The following KCNQ3 variants were observed in gnomAD, a reference collection of about 807,000 sequenced individuals.
KCNQ3 encodes the protein potassium voltage-gated channel subfamily KQT member 3.
Under a neutral mutation model 92.5 loss-of-function variants are expected in KCNQ3, and 30 were observed. The observed-to-expected ratio is 0.32, with a 90% CI of 0.24 to 0.44. KCNQ3 has a LOEUF of 0.44. Ranked by LOEUF, KCNQ3 falls within the 20% of genes least tolerant of loss-of-function variation. The probability of loss-of-function intolerance (pLI) is 1.00; values close to 1 mark genes in which losing one functional copy is unlikely to be tolerated. For synonymous variants in KCNQ3, 450 were observed against 468.8 expected, an observed-to-expected ratio of 0.96 and a Z score of 0.52; for missense variants, 913 against 1,140.3, an observed-to-expected ratio of 0.80 and a Z score of 2.87.
intron 9 of KCNQ3, among the ~76,000 whole-genome samples, chr8:132,145,445 T>C (rs1825422914): frequency 6.6e-6 from 1 of 152,222 alleles, no homozygotes; most frequent in African/African-American, 2.4e-5. Context: ...CTCTGTAGTT[T>C]ATATTTCACT....
intron 1 of KCNQ3, among the ~76,000 whole-genome samples, chr8:132,235,023 T>C (rs1814766600): frequency 6.6e-6 from 1 of 152,220 alleles, no homozygotes; most frequent in African/African-American, 2.4e-5. Flanking sequence ...TTTTGTGGTA[T>C]GTGAATTATA....
intron 8 of KCNQ3, among the ~76,000 whole-genome samples, chr8:132,168,341 C>G (rs1179037706): frequency 6.6e-6 from 1 of 152,224 alleles, no homozygotes; most frequent in East Asian, 1.9e-4. Context: ...TCTGGCTCAT[C>G]TAGCTTCTCA....
chr8:132,181,999 C>T (rs1302369966), intron 3 of KCNQ3, among the ~76,000 whole-genome samples: 2 of 149,916 alleles, frequency 1.3e-5, no homozygotes, highest in Admixed American at 6.6e-5. Context: ...GAGCCGAGAT[C>T]GTGCCACTGC....
intron 1 of KCNQ3, among the ~76,000 whole-genome samples, chr8:132,450,375 C>T (rs1248334721): frequency 6.6e-6 from 1 of 152,214 alleles, no homozygotes; most frequent in East Asian, 1.9e-4. Context: ...CCACAGAGCG[C>T]TGATTGGTGC....
intron 1 of KCNQ3, among the ~76,000 whole-genome samples, chr8:132,260,530 G>A (rs1237918183): frequency 6.6e-6 from 1 of 152,100 alleles, no homozygotes; most frequent in Non-Finnish European, 1.5e-5. Context: ...GAACAATTAG[G>A]CTAGATAAGA....
At chr8:132,304,439 T>C (rs1371660688) in intron 1 of KCNQ3, among the ~76,000 whole-genome samples, 1 of 152,206 alleles carries the variant, frequency 6.6e-6, no homozygotes, top group East Asian at 1.9e-4. Flanking sequence ...CATGGTCATC[T>C]TAACTTCTCC....
intron 4 of KCNQ3, among the ~76,000 whole-genome samples, chr8:132,178,878 G>A (rs1268208395): frequency 6.6e-6 from 1 of 150,938 alleles, no homozygotes; most frequent in Non-Finnish European, 1.5e-5. Flanking sequence ...CAGAACCCAA[G>A]AAAGGGATTT....
At chr8:132,165,313 G>C (rs1003069390) in intron 8 of KCNQ3, among the ~76,000 whole-genome samples, 1 of 152,162 alleles carries the variant, frequency 6.6e-6, no homozygotes, top group Non-Finnish European at 1.5e-5. Context: ...CAGTGCAGTT[G>C]ACCTGTCCAG....
At chr8:132,246,308 C>G (rs2130424640) in intron 1 of KCNQ3, among the ~76,000 whole-genome samples, 1 of 152,312 alleles carries the variant, frequency 6.6e-6, no homozygotes, top group South Asian at 2.1e-4. Flanking sequence ...AACCATTTCC[C>G]TACATGAGAG....
rs151131869 is a variant in KCNQ3 at position 132,445,164 on chromosome 8, C to T, written c.386+34983G>A. Among the ~76,000 whole-genome samples, 14 of 152,300 alleles carry T rather than the reference C, an allele frequency of 9.2e-5. No individual in the cohort carries two copies. The East Asian group carries it at 2.3e-3, about 25-fold the overall frequency. ...GGTGTCATGAAAAGGGGTGGACTGACATTTGGAGCCAAGTCCCAAATGCTC... is the reference window on the plus strand; with the variant it reads ...GGTGTCATGAAAAGGGGTGGACTGATATTTGGAGCCAAGTCCCAAATGCTC... On this transcript the variant is annotated intron_variant, in intron 1 of 14. Coordinates refer to ENST00000388996, the MANE Select transcript of KCNQ3 (RefSeq NM_004519.4).
intron 1 of KCNQ3, among the ~76,000 whole-genome samples, chr8:132,242,542 C>T (rs1815030125): frequency 6.6e-6 from 1 of 152,192 alleles, no homozygotes; most frequent in South Asian, 2.1e-4. Context: ...CTGTACTACA[C>T]CACTTCTATC....
chr8:132,299,988 G>A (rs545896978), intron 1 of KCNQ3, among the ~76,000 whole-genome samples: 1 of 152,164 alleles, frequency 6.6e-6, no homozygotes, highest in African/African-American at 2.4e-5. Flanking sequence ...AGCACCTCTG[G>A]TGGGAGATTG....
At chr8:132,159,543 C>G (rs1825920084) in intron 9 of KCNQ3, among the ~76,000 whole-genome samples, 1 of 152,136 alleles carries the variant, frequency 6.6e-6, no homozygotes, top group Admixed American at 6.6e-5. Context: ...ATTTTAGAAA[C>G]TGGTGTTTGG....
At chr8:132,427,653 C>T (rs1821144595) in intron 1 of KCNQ3, among the ~76,000 whole-genome samples, 1 of 152,170 alleles carries the variant, frequency 6.6e-6, no homozygotes, top group Non-Finnish European at 1.5e-5. Context: ...GGCAGCAAAA[C>T]CAAAGAAACC....
At chr8:132,214,506 G>T (rs532974010) in intron 1 of KCNQ3, among the ~76,000 whole-genome samples, 7 of 152,158 alleles carry the variant, frequency 4.6e-5, no homozygotes, top group Non-Finnish European at 8.8e-5. Flanking sequence ...GTGGTGAGGG[G>T]CAACCCTGCC....
At chr8:132,278,506 G>A (rs988800936) in intron 1 of KCNQ3, among the ~76,000 whole-genome samples, 1 of 152,194 alleles carries the variant, frequency 6.6e-6, no homozygotes, top group African/African-American at 2.4e-5. Context: ...TTTGATGTAA[G>A]TGGAAAGGGA....
chr8:132,167,872 A>T (rs954267444), intron 8 of KCNQ3, among the ~76,000 whole-genome samples: 1 of 152,196 alleles, frequency 6.6e-6, no homozygotes, highest in African/African-American at 2.4e-5. Flanking sequence ...TCTGCATCCA[A>T]AGTGTTCTTG....
intron 1 of KCNQ3, among the ~76,000 whole-genome samples, chr8:132,237,406 GTA>G (rs1814852876): frequency 6.6e-6 from 1 of 152,160 alleles, no homozygotes; most frequent in African/African-American, 2.4e-5. Context: ...ACAGGAACTA[GTA>G]TTTTCATCTT....
chr8:132,288,180 T>C (rs780600781), intron 1 of KCNQ3, among the ~76,000 whole-genome samples: 8 of 152,216 alleles, frequency 5.3e-5, no homozygotes, highest in Non-Finnish European at 1.0e-4. Context: ...ATTCTCAGTG[T>C]AAAATATATG....
Sources: allele counts gnomAD v4.1 joint callset (sites outside exome capture counted in the v4.1 genomes callset), GRCh38; gene constraint gnomAD v4.1.1; transcripts MANE v1.5; gene names NCBI Gene and HGNC (gene_info 2026-07-23, HGNC 2026-07-21).